FAM13A: variants seen among roughly 807,000 people sequenced by gnomAD.
The protein encoded by FAM13A is family with sequence similarity 13 member A.
Under a neutral mutation model 129.6 loss-of-function variants are expected in FAM13A, and 76 were observed. The observed-to-expected ratio is 0.59, with a 90% CI of 0.49 to 0.71. The LOEUF is 0.71. Ranked by LOEUF, FAM13A falls within the 30% of genes least tolerant of loss-of-function variation. The pLI is 0.00. For synonymous variants in FAM13A, 443 were observed against 449.9 expected, an observed-to-expected ratio of 0.98 and a Z score of 0.20; for missense variants, 1,108 against 1,249.3, an observed-to-expected ratio of 0.89 and a Z score of 1.70.
intron 5 of FAM13A, among the ~76,000 whole-genome samples, chr4:88,916,274 A>T (rs1258512155): frequency 6.6e-6 from 1 of 152,228 alleles, no homozygotes; most frequent in Non-Finnish European, 1.5e-5. Context: ...AAGCATCATT[A>T]AGCTCTAAAG....
At chr4:88,737,692 G>A in intron 20 of FAM13A, 137 bp from the exon 21 acceptor site, 5 of 719,266 alleles carry the variant, frequency 7.0e-6, no homozygotes, top group Non-Finnish European at 1.2e-5. Context: ...AACACTCCCA[G>A]GAAAACCTGA....
intron 1 of FAM13A, among the ~76,000 whole-genome samples, chr4:89,050,474 G>A (rs1443015462): frequency 6.6e-6 from 1 of 151,940 alleles, no homozygotes; most frequent in Non-Finnish European, 1.5e-5. Flanking sequence ...CCAAAGTGCT[G>A]GGATTACAGG....
intron 15 of FAM13A, 114 bp from the exon 16 acceptor site, chr4:88,750,023 G>A (rs531620592): frequency 1.7e-5 from 18 of 1,042,886 alleles, no homozygotes; most frequent in African/African-American, 6.4e-5. Flanking sequence ...GGGGCAGTGC[G>A]GAGACAAAAC....
chr4:88,933,226 C>T (rs1038882958), intron 5 of FAM13A, among the ~76,000 whole-genome samples: 7 of 152,124 alleles, frequency 4.6e-5, no homozygotes, highest in African/African-American at 1.7e-4. Flanking sequence ...TAGATAGATA[C>T]TTAGCAATAT....
At chr4:88,825,918 T>C (rs1732912167) in intron 7 of FAM13A, among the ~76,000 whole-genome samples, 1 of 152,226 alleles carries the variant, frequency 6.6e-6, no homozygotes, top group Admixed American at 6.5e-5. Flanking sequence ...TTTTATGGTT[T>C]TTGATCTATT....
At chr4:88,996,898 A>T (rs1043902574) in intron 3 of FAM13A, among the ~76,000 whole-genome samples, 35 of 152,364 alleles carry the variant, frequency 2.3e-4, no homozygotes, top group African/African-American at 8.2e-4. Context: ...TTTTTAAGAC[A>T]CACAGTAAGA....
intron 4 of FAM13A, among the ~76,000 whole-genome samples, chr4:88,946,522 T>C (rs1207409867): frequency 1.3e-5 from 2 of 151,140 alleles, no homozygotes; most frequent in East Asian, 3.9e-4. Flanking sequence ...ATGATAGAAT[T>C]ACTATCTACT....
chr4:88,851,289 A>G (rs1269935861), intron 6 of FAM13A, 106 bp from the exon 7 acceptor site: 4 of 940,620 alleles, frequency 4.3e-6, no homozygotes, highest in Admixed American at 5.5e-5. Context: ...GCAATAATCC[A>G]ATTTATAACA....
At chr4:88,810,667 A>C (rs962941800) in intron 7 of FAM13A, among the ~76,000 whole-genome samples, 3 of 152,150 alleles carry the variant, frequency 2.0e-5, no homozygotes, top group Admixed American at 6.6e-5. Context: ...CTAAGACTAT[A>C]ATCAATTTCC....
intron 7 of FAM13A, among the ~76,000 whole-genome samples, chr4:88,846,864 A>C (rs1736732702): frequency 6.6e-6 from 1 of 152,222 alleles, no homozygotes; most frequent in Non-Finnish European, 1.5e-5. Context: ...TTAATTTAAA[A>C]TATATGAACT....
At chr4:89,014,077 G>A (rs1005301688) in intron 3 of FAM13A, among the ~76,000 whole-genome samples, 1 of 152,150 alleles carries the variant, frequency 6.6e-6, no homozygotes, top group Non-Finnish European at 1.5e-5. Context: ...AGCCACTCAC[G>A]ACCCTGAATT....
At chr4:88,862,474 G>A (rs988290162) in intron 6 of FAM13A, among the ~76,000 whole-genome samples, 2 of 152,194 alleles carry the variant, frequency 1.3e-5, no homozygotes, top group Non-Finnish European at 2.9e-5. Context: ...TGTATACCAT[G>A]CTAAAGGGTT....
chr4:88,952,515 C>G (rs1392425191), intron 4 of FAM13A, among the ~76,000 whole-genome samples: 1 of 152,128 alleles, frequency 6.6e-6, no homozygotes, highest in African/African-American at 2.4e-5. Context: ...TTGCCAGATC[C>G]TCATATATCT....
chr4:88,749,280 T>A (rs1335978868), intron 16 of FAM13A, among the ~76,000 whole-genome samples: 1 of 152,196 alleles, frequency 6.6e-6, no homozygotes, highest in Non-Finnish European at 1.5e-5. Flanking sequence ...GTGACTTCTG[T>A]GAGGTCCATG....
At chr4:88,873,713 C>T (rs1406041241) in intron 6 of FAM13A, among the ~76,000 whole-genome samples, 1 of 152,124 alleles carries the variant, frequency 6.6e-6, no homozygotes, top group African/African-American at 2.4e-5. Context: ...TCCAGAGGTA[C>T]AAAGAGGAGC....
In FAM13A at chr4:88,929,750, G is replaced by A. The variant is rs573775938; in HGVS notation, c.759+8338C>T. Among the ~76,000 whole-genome samples the A allele has an allele frequency of 2.6e-5, 4 of 151,738 alleles. No homozygotes were observed. In the East Asian group the frequency reaches 7.8e-4, roughly 29 times the overall value. On this transcript the variant is annotated intron_variant, in intron 5 of 23. Transcript: ENST00000264344. ...TTCCAAAATTTCTGCTTTGTTTTTT[G>A]TTTTTGAGACAGGATCTCTCTCTGT...
chr4:88,864,988 A>G (rs1039521809), intron 6 of FAM13A, among the ~76,000 whole-genome samples: 1 of 152,202 alleles, frequency 6.6e-6, no homozygotes, highest in African/African-American at 2.4e-5. Context: ...AAATATCAGG[A>G]AAAATTTTCA....
chr4:89,038,733 A>G (rs1417386297), intron 1 of FAM13A, among the ~76,000 whole-genome samples: 2 of 152,226 alleles, frequency 1.3e-5, no homozygotes, highest in Admixed American at 6.5e-5. Context: ...TTTACAGAAG[A>G]ATGCTGCAGT....
intron 2 of FAM13A, among the ~76,000 whole-genome samples, chr4:89,023,815 G>C (rs570841705): frequency 1.3e-5 from 2 of 152,084 alleles, no homozygotes; most frequent in Admixed American, 6.5e-5. Flanking sequence ...GTTTTTTAAA[G>C]CCTCTTATGA....
Sources: gnomAD v4.1 joint callset for allele counts (sites outside exome capture counted in the v4.1 genomes callset) on GRCh38, gnomAD v4.1.1 for gene constraint, MANE v1.5 for transcripts, NCBI Gene and HGNC (gene_info 2026-07-23, HGNC 2026-07-21) for gene names.